Variants in CBFB observed in about 807,000 individuals in gnomAD.
CBFB encodes the protein CBF-beta.
In CBFB, 9 loss-of-function variants were observed where a neutral mutation model predicts 30.4. That is an observed-to-expected ratio of 0.30 (90% CI 0.18 to 0.52). The LOEUF (loss-of-function observed/expected upper bound fraction) is 0.52. Ranked by LOEUF, CBFB falls within the 20% of genes least tolerant of loss-of-function variation. The probability of loss-of-function intolerance (pLI) is 0.97; values close to 1 mark genes in which losing one functional copy is unlikely to be tolerated. For synonymous variants in CBFB, 94 were observed against 84.0 expected (o/e 1.12, Z -0.65); for missense variants, 170 against 244.0 (o/e 0.70, Z 2.02).
intron 4 of CBFB, among the ~76,000 whole-genome samples, chr16:67,081,428 A>G (rs978023399): frequency 3.3e-5 from 5 of 152,058 alleles, no homozygotes; most frequent in Admixed American, 6.6e-5. Context: ...ATGTCCAACA[A>G]TGATAGACTG....
chr16:67,087,546 C>T (rs891308245), intron 5 of CBFB, among the ~76,000 whole-genome samples: 4 of 152,314 alleles, frequency 2.6e-5, no homozygotes, highest in Admixed American at 6.5e-5. Flanking sequence ...CAGAGCAAGA[C>T]CCTGTCTCCC....
chr16:67,071,574 C>T (rs1250359269), intron 4 of CBFB, among the ~76,000 whole-genome samples: 2 of 152,114 alleles, frequency 1.3e-5, no homozygotes, highest in African/African-American at 4.8e-5. Flanking sequence ...TTGTTTAAGC[C>T]ACTCCATTTA....
At chr16:67,056,196 T>G (rs1320234600) in intron 3 of CBFB, among the ~76,000 whole-genome samples, 1 of 152,232 alleles carries the variant, frequency 6.6e-6, no homozygotes, top group Non-Finnish European at 1.5e-5. Flanking sequence ...AGCATAATGT[T>G]AAAGTGCAGT....
intron 4 of CBFB, among the ~76,000 whole-genome samples, chr16:67,075,943 A>T (rs192694847): frequency 3.9e-5 from 6 of 152,286 alleles, no homozygotes; most frequent in African/African-American, 1.2e-4. Context: ...AAAAATTTTT[A>T]AAAATTAACT....
intron 3 of CBFB, among the ~76,000 whole-genome samples, chr16:67,064,628 G>T (rs529113938): frequency 6.6e-6 from 1 of 152,174 alleles, no homozygotes; most frequent in African/African-American, 2.4e-5. Context: ...ATTCACCTCA[G>T]GATGATAGAA....
chr16:67,085,942 A>T (rs1413097856), intron 5 of CBFB, among the ~76,000 whole-genome samples: 7 of 151,718 alleles, frequency 4.6e-5, no homozygotes, highest in Admixed American at 6.6e-5. Flanking sequence ...CCTCCCAAAG[A>T]GCTGGGATTA....
chr16:67,087,075 A>C (rs551532680), intron 5 of CBFB, among the ~76,000 whole-genome samples: 58 of 152,172 alleles, frequency 3.8e-4, no homozygotes, highest in Non-Finnish European at 6.5e-4. Context: ...CTGCCAAGTC[A>C]AGAGAGTGTG....
intron 5 of CBFB, among the ~76,000 whole-genome samples, chr16:67,095,690 G>GTTTT (rs869266505): frequency 1.6e-5 from 2 of 124,130 alleles, no homozygotes; most frequent in East Asian, 2.5e-4. Context: ...GACCTCATCT[G>GTTTT]TTTTTTTTTT....
At chr16:67,056,870 C>T (rs1002472248) in intron 3 of CBFB, among the ~76,000 whole-genome samples, 5 of 152,108 alleles carry the variant, frequency 3.3e-5, no homozygotes, top group African/African-American at 1.2e-4. Flanking sequence ...TTAGTAGAGA[C>T]GGGGTTTCAC....
intron 5 of CBFB, among the ~76,000 whole-genome samples, chr16:67,098,432 C>G (rs1198317119): frequency 6.6e-6 from 1 of 152,156 alleles, no homozygotes; most frequent in East Asian, 1.9e-4. Flanking sequence ...CCACTGCGCC[C>G]AGTGCTAGAT....
Position 67,089,088 on chromosome 16 carries a change from A to G in CBFB, c.495+6780A>G, listed in dbSNP as rs57600547. On this transcript the variant is annotated intron_variant, in intron 5 of 5. Transcript: ENST00000412916. Reference sequence around the variant, plus strand: ...TTTTTCTGGAACAGCCTATTTCAGTAGTACAATATTTTCTTTACCTTTCAG... The same window carrying G: ...TTTTTCTGGAACAGCCTATTTCAGTGGTACAATATTTTCTTTACCTTTCAG... Among the ~76,000 whole-genome samples the G allele has an allele frequency of 2.5e-3, 379 of 152,348 alleles. 3 individuals are homozygous for G. The highest frequency in any genetic ancestry group is 8.6e-3 in the African/African-American group (358 of 41,588).
At chr16:67,047,628 C>G (rs1966651583) in intron 3 of CBFB, among the ~76,000 whole-genome samples, 1 of 152,226 alleles carries the variant, frequency 6.6e-6, no homozygotes, top group Admixed American at 6.5e-5. Flanking sequence ...TTCTAATAAT[C>G]GTGTGGCCCT....
At chr16:67,057,015 C>A (rs1228524322) in intron 3 of CBFB, among the ~76,000 whole-genome samples, 2 of 150,846 alleles carry the variant, frequency 1.3e-5, no homozygotes, top group Non-Finnish European at 2.9e-5. Flanking sequence ...TGGAGTCTCA[C>A]TCTTTCGCCC....
At chr16:67,097,742 T>C (rs1360566493) in intron 5 of CBFB, among the ~76,000 whole-genome samples, 2 of 152,186 alleles carry the variant, frequency 1.3e-5, no homozygotes, top group African/African-American at 2.4e-5. Flanking sequence ...ATAGCACTTA[T>C]GTCATAGGTT....
chr16:67,048,867 C>T (rs1966683220), intron 3 of CBFB, among the ~76,000 whole-genome samples: 1 of 133,018 alleles, frequency 7.5e-6, no homozygotes, highest in African/African-American at 2.9e-5. Context: ...GTTGTCCAGA[C>T]TGGAGTGCAA....
At chr16:67,034,474 C>G (rs1359565546) in intron 2 of CBFB, among the ~76,000 whole-genome samples, 1 of 152,118 alleles carries the variant, frequency 6.6e-6, no homozygotes, top group Non-Finnish European at 1.5e-5. Flanking sequence ...CAGACTTTTT[C>G]CAACTCTTAC....
intron 3 of CBFB, among the ~76,000 whole-genome samples, chr16:67,050,636 T>C (rs1966724881): frequency 6.6e-6 from 1 of 151,862 alleles, no homozygotes; most frequent in Non-Finnish European, 1.5e-5. Flanking sequence ...TACAAAAAAG[T>C]TTAAAAATTA....
At chr16:67,096,181 G>A (rs1962040694) in intron 5 of CBFB, among the ~76,000 whole-genome samples, 1 of 151,932 alleles carries the variant, frequency 6.6e-6, no homozygotes, top group South Asian at 2.1e-4. Flanking sequence ...GTGTCGTGGT[G>A]CATGCCTGTT....
intron 3 of CBFB, among the ~76,000 whole-genome samples, chr16:67,050,968 C>T (rs1966728817): frequency 6.6e-6 from 1 of 152,150 alleles, no homozygotes; most frequent in Non-Finnish European, 1.5e-5. Flanking sequence ...AGAGATGATT[C>T]ACCTCTCTGG....
Sources: gnomAD v4.1 joint callset for allele counts (sites outside exome capture counted in the v4.1 genomes callset) on GRCh38, gnomAD v4.1.1 for gene constraint, MANE v1.5 for transcripts, NCBI Gene and HGNC (gene_info 2026-07-23, HGNC 2026-07-21) for gene names.